CCDC170: variants seen among roughly 807,000 people sequenced by gnomAD.
CCDC170 encodes coiled-coil domain-containing protein 170.
A neutral mutation model predicts 72.6 loss-of-function variants in CCDC170; 69 were observed. The observed-to-expected ratio is 0.95, with a 90% CI of 0.78 to 1.16. The LOEUF (loss-of-function observed/expected upper bound fraction) is 1.16. CCDC170 is among the 50% of genes most tolerant of loss of function. CCDC170 has a pLI of 0.00. For missense variants in CCDC170, 852 were observed against 832.5 expected, an observed-to-expected ratio of 1.02 and a Z score of -0.29; for synonymous variants, 300 against 303.9, an observed-to-expected ratio of 0.99 and a Z score of 0.13.
intron 5 of CCDC170, among the ~76,000 whole-genome samples, chr6:151,552,347 G>A (rs939585584): frequency 6.6e-6 from 1 of 152,044 alleles, no homozygotes; most frequent in South Asian, 2.1e-4. Context: ...GTTTCTATGG[G>A]GTGATCATTA....
chr6:151,504,032 G>C (rs1479437952), intron 1 of CCDC170, among the ~76,000 whole-genome samples: 1 of 152,152 alleles, frequency 6.6e-6, no homozygotes, highest in Non-Finnish European at 1.5e-5. Context: ...GAATAATATA[G>C]TGTCATTGTT....
chr6:151,590,751 T>C (rs1472430773), intron 7 of CCDC170, among the ~76,000 whole-genome samples: 2 of 152,210 alleles, frequency 1.3e-5, no homozygotes, highest in African/African-American at 4.8e-5. Context: ...GGTCTCGGCT[T>C]GCTCTTGTCT....
intron 1 of CCDC170, among the ~76,000 whole-genome samples, chr6:151,520,168 G>C (rs73783045): frequency 0.012 from 1,858 of 152,338 alleles, 33 homozygotes; most frequent in African/African-American, 0.04. Context: ...GAGGTCCTGA[G>C]TAGGGGAGGG....
intron 2 of CCDC170, 34 bp from the exon 3 acceptor site, chr6:151,538,011 G>T (rs912579139): frequency 1.4e-5 from 19 of 1,374,766 alleles, no homozygotes; most frequent in African/African-American, 1.2e-4. Flanking sequence ...TGTTGTTAAG[G>T]TTTTTTTTTT....
intron 9 of CCDC170, among the ~76,000 whole-genome samples, chr6:151,601,008 C>T (rs1186003186): frequency 6.6e-6 from 1 of 152,168 alleles, no homozygotes; most frequent in Admixed American, 6.5e-5. Flanking sequence ...GCCTTTGTCT[C>T]TGGCTTTTTG....
intron 1 of CCDC170, among the ~76,000 whole-genome samples, chr6:151,523,161 C>G (rs980855592): frequency 6.6e-6 from 1 of 152,112 alleles, no homozygotes; most frequent in African/African-American, 2.4e-5. Flanking sequence ...GGCTCTGTTG[C>G]TCTCAGGAGT....
At chr6:151,501,543 C>G (rs1338038021) in intron 1 of CCDC170, among the ~76,000 whole-genome samples, 1 of 152,134 alleles carries the variant, frequency 6.6e-6, no homozygotes, top group Non-Finnish European at 1.5e-5. Context: ...ACCAGTTAAT[C>G]CGTTTACACA....
At chr6:151,611,925 G>A (rs937115938) in intron 9 of CCDC170, among the ~76,000 whole-genome samples, 3 of 152,016 alleles carry the variant, frequency 2.0e-5, no homozygotes, top group Non-Finnish European at 4.4e-5. Context: ...TGGCCAGGCT[G>A]GTCTCGAACT....
At chr6:151,585,731 C>T (rs984522558) in intron 6 of CCDC170, among the ~76,000 whole-genome samples, 158 bp from the exon 7 acceptor site, 2 of 152,124 alleles carry the variant, frequency 1.3e-5, no homozygotes, top group African/African-American at 4.8e-5. Context: ...CAAACAGAGG[C>T]AAATACAGCT....
chr6:151,580,188 G>T (rs1004571260), intron 6 of CCDC170, among the ~76,000 whole-genome samples: 9 of 152,186 alleles, frequency 5.9e-5, no homozygotes, highest in Non-Finnish European at 1.3e-4. Context: ...TGATCACACA[G>T]TTCTCCCTCT....
intron 1 of CCDC170, among the ~76,000 whole-genome samples, chr6:151,513,919 CAA>C (rs58387477): frequency 1.6e-4 from 8 of 51,208 alleles, no homozygotes; most frequent in Non-Finnish European, 2.4e-4. Flanking sequence ...GACCCTGTCT[CAA>C]AAAAAAAAAA....
At chr6:151,512,968 G>T (rs1782169815) in intron 1 of CCDC170, among the ~76,000 whole-genome samples, 1 of 152,158 alleles carries the variant, frequency 6.6e-6, no homozygotes, top group Non-Finnish European at 1.5e-5. Context: ...GTGTAAGTTG[G>T]TGCTATTTTC....
chr6:151,522,050 C>T (rs1782326246), intron 1 of CCDC170, among the ~76,000 whole-genome samples: 1 of 150,634 alleles, frequency 6.6e-6, no homozygotes, highest in African/African-American at 2.4e-5. Context: ...ATCCCAGCTA[C>T]TCGGAAGGCT....
At chr6:151,571,627 T>C (rs1052871223) in intron 5 of CCDC170, among the ~76,000 whole-genome samples, 7 of 152,068 alleles carry the variant, frequency 4.6e-5, no homozygotes, top group African/African-American at 1.7e-4. Context: ...CTCGGGAGGC[T>C]GAGGCAGGAG....
At chr6:151,608,998 G>A (rs189344427) in intron 9 of CCDC170, among the ~76,000 whole-genome samples, 11 of 152,202 alleles carry the variant, frequency 7.2e-5, no homozygotes, top group African/African-American at 2.4e-4. Context: ...TCCTTCAGTG[G>A]GAAGTCTCTC....
intron 9 of CCDC170, among the ~76,000 whole-genome samples, chr6:151,611,089 A>T (rs1365325454): frequency 3.9e-5 from 6 of 152,192 alleles, no homozygotes; most frequent in Non-Finnish European, 8.8e-5. Flanking sequence ...CATCTTGGCC[A>T]ACATGGTGAA....
Position 151,593,020 on chromosome 6 carries a change from G to A in CCDC170, c.1294-87G>A, listed in dbSNP as rs1406307393. 4 of 1,395,780 alleles carry A rather than the reference G, an allele frequency of 2.9e-6. No homozygotes were observed. In the Admixed American group the frequency reaches 5.5e-5, roughly 19 times the overall value. 86.5% of individuals were successfully genotyped at this position (1,395,780 alleles called of 1,614,324 possible). ...CTCTGCAAAGGAGAATTACCTGTAA[G>A]CTTGGGAGAAAGAGGAAGAGATTCT... On this transcript the variant is annotated intron_variant, in intron 7 of 10. Coordinates refer to ENST00000239374, the MANE Select transcript of CCDC170 (RefSeq NM_025059.4).
chr6:151,512,795 A>T (rs958925661), intron 1 of CCDC170, among the ~76,000 whole-genome samples: 1 of 152,134 alleles, frequency 6.6e-6, no homozygotes, highest in African/African-American at 2.4e-5. Flanking sequence ...TGTATATACC[A>T]AGTCCTTAAA....
chr6:151,602,269 G>A (rs547632241), intron 9 of CCDC170, among the ~76,000 whole-genome samples: 13 of 152,066 alleles, frequency 8.5e-5, no homozygotes, highest in East Asian at 7.7e-4. Context: ...GTTTTTTCAC[G>A]AATTCCCCTA....
Sources: allele counts gnomAD v4.1 joint callset (sites outside exome capture counted in the v4.1 genomes callset), GRCh38; gene constraint gnomAD v4.1.1; transcripts MANE v1.5; gene names NCBI Gene and HGNC (gene_info 2026-07-23, HGNC 2026-07-21).